Variants in SYCP3 observed in about 807,000 individuals in gnomAD.
SYCP3 encodes the protein synaptonemal complex protein 3.
SYCP3 carries 29 observed loss-of-function variants against 38.5 expected under a neutral mutation model. The observed-to-expected ratio is 0.75, with a 90% confidence interval of 0.56 to 1.03. The LOEUF (loss-of-function observed/expected upper bound fraction) is 1.03. Among genes scored for constraint, SYCP3 ranks in the 50% least tolerant of loss-of-function variants. The probability of loss-of-function intolerance (pLI) is 0.00; values close to 1 mark genes in which losing one functional copy is unlikely to be tolerated. For missense variants in SYCP3, 242 were observed against 270.7 expected (o/e 0.89, Z 0.74); for synonymous variants, 79 against 80.3 (o/e 0.98, Z 0.08).
chr12:101,738,963 CAAAT>C (rs1386894109), intron 1 of SYCP3, among the ~76,000 whole-genome samples: 1 of 152,202 alleles, frequency 6.6e-6, no homozygotes, highest in East Asian at 1.9e-4. Flanking sequence ...ATAATCAAGA[CAAAT>C]AATAAAAACG....
chr12:101,734,492 A>G (rs1348641750), intron 5 of SYCP3, among the ~76,000 whole-genome samples: 1 of 152,236 alleles, frequency 6.6e-6, no homozygotes, highest in Non-Finnish European at 1.5e-5. Flanking sequence ...AATAATGTCA[A>G]TTCTATGAAG....
intron 7 of SYCP3, among the ~76,000 whole-genome samples, chr12:101,731,321 CATG>C (rs1351700484): frequency 3.9e-5 from 6 of 152,198 alleles, no homozygotes; most frequent in African/African-American, 1.2e-4. Context: ...GGATTTTATG[CATG>C]ATAAGTATAT....
intron 4 of SYCP3, among the ~76,000 whole-genome samples, chr12:101,736,355 A>G (rs909507499): frequency 1.3e-5 from 2 of 152,192 alleles, no homozygotes; most frequent in African/African-American, 4.8e-5. Context: ...TTATAAAACA[A>G]GCACTGTTTC....
chr12:101,729,600 G>C (rs1201834841), intron 7 of SYCP3: 3 of 171,818 alleles, frequency 1.7e-5, no homozygotes. Context: ...ATAATCTATA[G>C]TACAACCTCT....
In SYCP3 at chr12:101,729,143, A is replaced by T; in HGVS notation, c.623T>A (p.Met208Lys). The change falls in exon 8 of 9, where the codon ATG (methionine) becomes AAG (lysine). Residue 208 changes from methionine (M) to lysine (K), a missense_variant. Coordinates refer to ENST00000392924, the MANE Select transcript of SYCP3 (RefSeq NM_001177949.2). Reference sequence around the variant, plus strand: ...CATAATTTTTTTTTGCAACATAGCCATTTCTTTTTTAAATTCATTTTGTGC... The same window carrying T: ...CATAATTTTTTTTTGCAACATAGCCTTTTCTTTTTTAAATTCATTTTGTGC... Reference protein sequence around the residue: ...TGAQNEFKKEMAMLQKKIMME... With the variant: ...TGAQNEFKKEKAMLQKKIMME... The T allele has an allele frequency of 6.2e-7, 1 of 1,612,562 alleles. No individual in the cohort carries two copies. Among genetic ancestry groups the T allele is most frequent in the Non-Finnish European group, 8.5e-7 (1 of 1,179,202 alleles).
At position 101,734,924 on chromosome 12, in the gene SYCP3, T is replaced by C; in HGVS notation, c.353+3A>G. Reference sequence around the variant, plus strand: ...GGCTCTAAAAAAAAAGCAACCACCTTACCTTTGATCTTGTTGTGTTTTCCA... The same window carrying C: ...GGCTCTAAAAAAAAAGCAACCACCTCACCTTTGATCTTGTTGTGTTTTCCA... On this transcript the variant is annotated splice_donor_region_variant and intron_variant, in intron 5 of 8. Coordinates refer to ENST00000392924, the MANE Select transcript of SYCP3 (RefSeq NM_001177949.2). 5 of 1,596,030 alleles carry C rather than the reference T, an allele frequency of 3.1e-6. No homozygotes were observed. Among genetic ancestry groups the C allele is most frequent in the Non-Finnish European group, 4.3e-6 (5 of 1,163,652 alleles).
At position 101,737,873 on chromosome 12, in the gene SYCP3, A is replaced by C. The variant is rs556177717; in HGVS notation, c.63T>G (p.Phe21Leu). ...CAGTCTCAAAGTCATAGGCTCTCGT[A>C]AACTGATCTTCCACAGACGGCTTCC... The part of the protein sequence containing the change: ...KSGKPSVEDQ[F>L]TRAYDFETED... Residue 21 changes from phenylalanine (F) to leucine (L), a missense_variant, in exon 2 of 9, where the codon TTT becomes TTG. Physicochemically the swap from Phe to Leu is conservative, Grantham distance 22. Coordinates refer to ENST00000392924, the MANE Select transcript of SYCP3 (RefSeq NM_001177949.2). The C allele has an allele frequency of 1.9e-6, 3 of 1,614,208 alleles. No individual in the cohort carries two copies. The African/African-American group carries it at 4.0e-5, about 22-fold the overall frequency.
At chr12:101,729,570 A>T (rs922802652) in intron 7 of SYCP3, 4 of 199,810 alleles carry the variant, frequency 2.0e-5, no homozygotes, top group African/African-American at 9.5e-5. Flanking sequence ...GTGTGCCATG[A>T]ATTCACTAGA....
rs1952047056 is a variant in SYCP3 at position 101,728,803 on chromosome 12, A to G, written c.*124T>C. On this transcript the variant is annotated 3_prime_UTR_variant, in exon 9 of 9. Transcript: ENST00000392924. The stretch of plus-strand genomic sequence containing the variant: ...ACTTAACAGAAAGGGAGGTCTTACA[A>G]TGAAACAGGTTTATGATTAAAGATG... The G allele has an allele frequency of 1.1e-5, 15 of 1,423,830 alleles. No individual in the cohort carries two copies. In the South Asian group the frequency reaches 1.6e-4, roughly 15 times the overall value. 88.2% of individuals were successfully genotyped at this position (1,423,830 alleles called of 1,614,324 possible). A position where few individuals can be genotyped will look rare whatever the true frequency, so the allele number is the denominator to read the frequency against.
At chr12:101,735,861 A>T (rs1445148558) in intron 4 of SYCP3, among the ~76,000 whole-genome samples, 2 of 73,192 alleles carry the variant, frequency 2.7e-5, no homozygotes, top group Admixed American at 2.7e-4. Flanking sequence ...TTATATATAT[A>T]TATATATATA....
rs11306325 is a variant in SYCP3 at position 101,737,312 on chromosome 12, T to TAAAA, written c.134-18_134-15dup. 2.1e-5 allele frequency: 29 copies of TAAAA among 1,411,836 alleles called. No individual in the cohort carries two copies. In the East Asian group the frequency reaches 4.9e-4, roughly 24 times the overall value. The allele number at this position is 1,411,836 out of a possible 1,614,324, so 87.5% of individuals were successfully genotyped here. A position where few individuals can be genotyped will look rare whatever the true frequency, so the allele number is the denominator to read the frequency against. ...CTGCAGTCTTCCCTGTATTGACAAT[T>TAAAA]AAAAAAAAAAAAAAAAAGCTTTTGA... On this transcript the variant is annotated splice_polypyrimidine_tract_variant and intron_variant, in intron 2 of 8. Coordinates refer to ENST00000392924, the MANE Select transcript of SYCP3 (RefSeq NM_001177949.2).
At chr12:101,735,264 CTG>C (rs533260132) in intron 4 of SYCP3, among the ~76,000 whole-genome samples, 72 of 151,966 alleles carry the variant, frequency 4.7e-4, no homozygotes, top group African/African-American at 1.6e-3. Flanking sequence ...ATTTTCCTAA[CTG>C]GAGATAATTT....
Position 101,737,794 on chromosome 12 carries a change from G to A in SYCP3, c.133+9C>T, listed in dbSNP as rs377184371. 2 of 1,614,098 alleles carry A rather than the reference G, an allele frequency of 1.2e-6. No homozygotes were observed. ...AGGACATCACTGCCCAACATGAGAT[G>A]TACTGCACCTTCAATAACATCTTCC... On this transcript the variant is annotated intron_variant, in intron 2 of 8. Transcript: ENST00000392924.
chr12:101,731,856 C>A, intron 6 of SYCP3, 190 bp from the exon 7 acceptor site: 2 of 426,580 alleles, frequency 4.7e-6, no homozygotes, highest in Non-Finnish European at 8.3e-6. Flanking sequence ...ATTAATTCTA[C>A]CAGTTGCTGA....
At chr12:101,732,749 C>T (rs1000066982) in intron 6 of SYCP3, 2 of 151,770 alleles carry the variant, frequency 1.3e-5, no homozygotes, top group African/African-American at 2.4e-5. Context: ...TCACTGCAGC[C>T]TCCGCCTCCC....
At chr12:101,733,700 G>A (rs1315462759) in intron 5 of SYCP3, 26 bp from the exon 6 acceptor site, 3 of 1,579,886 alleles carry the variant, frequency 1.9e-6, no homozygotes, top group Non-Finnish European at 2.6e-6. Flanking sequence ...ATGAATTATT[G>A]TCATATTTCA....
chr12:101,734,156 G>A (rs531258418), intron 5 of SYCP3, among the ~76,000 whole-genome samples: 3 of 152,212 alleles, frequency 2.0e-5, no homozygotes, highest in Admixed American at 1.3e-4. Flanking sequence ...AATTATATAC[G>A]ATACAAGATT....
chr12:101,734,940 G>T lies in SYCP3; in HGVS notation c.340C>A (p.Gln114Lys). 1 of 1,607,934 alleles carries T rather than the reference G, an allele frequency of 6.2e-7. No homozygotes were observed. The highest frequency in any genetic ancestry group is 8.5e-7 in the Non-Finnish European group (1 of 1,174,700). The change falls in exon 5 of 9, where the codon CAA becomes AAA. Residue 114 changes from glutamine to lysine, a missense_variant. By Grantham distance (53) the Gln-to-Lys change is moderately conservative. Coordinates refer to ENST00000392924, the MANE Select transcript of SYCP3 (RefSeq NM_001177949.2). ...CAACCACCTTACCTTTGATCTTGTT[G>T]TGTTTTCCAAACATGTTCAATTTTC... ...NQKIEHVWKT[Q>K]QDQRQKLNQE...
intron 6 of SYCP3, chr12:101,731,908 G>A (rs1952207154): frequency 8.9e-6 from 3 of 338,456 alleles, no homozygotes; most frequent in Non-Finnish European, 1.1e-5. Flanking sequence ...CTTAATTCTT[G>A]GTGATTTCAA....
Sources: gnomAD v4.1 joint callset for allele counts (sites outside exome capture counted in the v4.1 genomes callset) on GRCh38, gnomAD v4.1.1 for gene constraint, MANE v1.5 for transcripts, NCBI Gene and HGNC (gene_info 2026-07-23, HGNC 2026-07-21) for gene names.